IL1RAPL1: variants seen among roughly 807,000 people sequenced by gnomAD.
IL1RAPL1 encodes interleukin 1 receptor accessory protein like 1, also known as interleukin-1 receptor accessory protein-like 1.
A neutral mutation model predicts 48.4 loss-of-function variants in IL1RAPL1; 3 were observed. That is an observed-to-expected ratio of 0.06 (90% CI 0.03 to 0.16). The LOEUF is 0.16. Ranked by LOEUF, IL1RAPL1 falls within the 10% of genes least tolerant of loss-of-function variation. The pLI is 1.00. For missense variants in IL1RAPL1, 349 were observed against 530.6 expected (o/e 0.66, Z 3.36); for synonymous variants, 185 against 187.7 (o/e 0.99, Z 0.12).
chrX:29,770,067 T>C (rs1341548923), intron 6 of IL1RAPL1, among the ~76,000 whole-genome samples: 1 of 112,544 alleles, frequency 8.9e-6, no homozygotes, highest in Non-Finnish European at 1.9e-5. Flanking sequence ...TAAAAGTAGA[T>C]ATTCTGTTTT....
At chrX:29,867,553 C>T (rs769833333) in intron 6 of IL1RAPL1, among the ~76,000 whole-genome samples, 1 of 112,109 alleles carries the variant, frequency 8.9e-6, no homozygotes, top group South Asian at 3.7e-4. Context: ...CTTGATCTTG[C>T]ACTTCCCAGC....
intron 2 of IL1RAPL1, among the ~76,000 whole-genome samples, chrX:28,816,610 G>A (rs1936874340): frequency 9.0e-6 from 1 of 111,027 alleles, no homozygotes; most frequent in South Asian, 3.8e-4. Flanking sequence ...ATTATGCCAT[G>A]GTATGTAACA....
chrX:28,907,223 G>A (rs1056618468), intron 2 of IL1RAPL1, among the ~76,000 whole-genome samples: 4 of 111,030 alleles, frequency 3.6e-5, no homozygotes, highest in Admixed American at 1.9e-4. Context: ...TTGTTGTAGC[G>A]GATTGCATTA....
At chrX:29,579,351 A>G (rs970071843) in intron 5 of IL1RAPL1, among the ~76,000 whole-genome samples, 7 of 111,988 alleles carry the variant, frequency 6.3e-5, no homozygotes, top group African/African-American at 2.3e-4. Context: ...AAGTCATATT[A>G]TAGATAGGCT....
chrX:29,892,748 G>T (rs758813965), intron 6 of IL1RAPL1, among the ~76,000 whole-genome samples: 4 of 112,202 alleles, frequency 3.6e-5, no homozygotes, highest in South Asian at 3.7e-4. Context: ...GCAAAAGAGG[G>T]TATGTCTCAA....
chrX:28,788,714 C>T (rs1481593939), intron 1 of IL1RAPL1, among the ~76,000 whole-genome samples: 1 of 109,245 alleles, frequency 9.2e-6, no homozygotes, highest in Non-Finnish European at 1.9e-5. Flanking sequence ...GGGATCTACC[C>T]GCTTCAGCCT....
intron 2 of IL1RAPL1, among the ~76,000 whole-genome samples, chrX:29,123,310 G>T (rs1204993879): frequency 9.0e-6 from 1 of 111,179 alleles, no homozygotes; most frequent in Non-Finnish European, 1.9e-5. Context: ...GATTACACCC[G>T]GCCCAATAGC....
At chrX:29,240,304 C>T (rs1276720644) in intron 2 of IL1RAPL1, among the ~76,000 whole-genome samples, 1 of 90,076 alleles carries the variant, frequency 1.1e-5, no homozygotes, top group African/African-American at 4.3e-5. Context: ...GCATGATCTC[C>T]GCTCACTGCA....
rs547167293 is a variant in IL1RAPL1, at chrX:29,535,388, C to T, written c.704-133042C>T. 5.4e-5 allele frequency among the ~76,000 whole-genome samples: 6 copies of T among 111,074 alleles called. No individual in the cohort carries two copies. In the South Asian group the frequency reaches 1.1e-3, roughly 21 times the overall value. On this transcript the variant is annotated intron_variant, in intron 5 of 10. Coordinates refer to ENST00000378993, the MANE Select transcript of IL1RAPL1 (RefSeq NM_014271.4). The stretch of plus-strand genomic sequence containing the variant: ...TCTCTGCCCAGATCTTCTCAGATCC[C>T]TTTTGAAGATTTTTGTTGTCTACCC...
At chrX:28,873,676 A>T (rs56036278) in intron 2 of IL1RAPL1, among the ~76,000 whole-genome samples, 225 of 106,805 alleles carry the variant, frequency 2.1e-3, no homozygotes, top group Non-Finnish European at 3.6e-3. Flanking sequence ...GGACTACAGG[A>T]GCCCGCCACC....
At chrX:28,809,834 T>A (rs1476567890) in intron 2 of IL1RAPL1, among the ~76,000 whole-genome samples, 2 of 108,699 alleles carry the variant, frequency 1.8e-5, no homozygotes, top group Non-Finnish European at 3.8e-5. Flanking sequence ...TAAATCATCC[T>A]AGCAACAGAT....
intron 1 of IL1RAPL1, among the ~76,000 whole-genome samples, chrX:28,605,835 T>C (rs923124122): frequency 9.0e-6 from 1 of 111,644 alleles, no homozygotes; most frequent in South Asian, 3.8e-4. Context: ...TCTTTGAAGG[T>C]GACAGGTAAG....
chrX:29,387,385 G>A (rs749093574), intron 3 of IL1RAPL1, among the ~76,000 whole-genome samples: 3 of 112,080 alleles, frequency 2.7e-5, no homozygotes, highest in Non-Finnish European at 3.8e-5. Context: ...CTTTTTATAC[G>A]AAACTCTGAT....
intron 1 of IL1RAPL1, among the ~76,000 whole-genome samples, chrX:28,783,912 T>G (rs1316663853): frequency 8.9e-6 from 1 of 111,855 alleles, no homozygotes; most frequent in Non-Finnish European, 1.9e-5. Context: ...AAATTGTTGA[T>G]TTCCATGTCT....
intron 6 of IL1RAPL1, among the ~76,000 whole-genome samples, chrX:29,764,186 A>G (rs5971739): frequency 0.42 from 45,927 of 110,397 alleles, 7,084 homozygotes; most frequent in African/African-American, 0.51. Context: ...ATTGATAGTC[A>G]TAAACTGGAG....
chrX:29,461,065 AAATGTAT>A (rs1430375670), intron 5 of IL1RAPL1, among the ~76,000 whole-genome samples: 1 of 112,072 alleles, frequency 8.9e-6, no homozygotes, highest in Non-Finnish European at 1.9e-5. Flanking sequence ...AGAACATAGA[AAATGTAT>A]AACTCTTGAT....
chrX:29,095,772 CTTT>C (rs5901910), intron 2 of IL1RAPL1, among the ~76,000 whole-genome samples: 2 of 96,506 alleles, frequency 2.1e-5, no homozygotes, highest in Admixed American at 1.1e-4. Flanking sequence ...CTGCATTTGC[CTTT>C]TTTTTTTTTT....
intron 2 of IL1RAPL1, among the ~76,000 whole-genome samples, chrX:28,975,884 A>G (rs1047442346): frequency 8.9e-6 from 1 of 111,775 alleles, no homozygotes; most frequent in Non-Finnish European, 1.9e-5. Context: ...GGAAGGAGAT[A>G]AAGGATTGAG....
intron 1 of IL1RAPL1, among the ~76,000 whole-genome samples, chrX:28,706,717 A>G (rs1438926944): frequency 2.7e-5 from 3 of 111,914 alleles, no homozygotes; most frequent in Non-Finnish European, 3.8e-5. Context: ...CCCAGCCATT[A>G]GGACACGTTT....
Sources: gnomAD v4.1 joint callset for allele counts (sites outside exome capture counted in the v4.1 genomes callset) on GRCh38, gnomAD v4.1.1 for gene constraint, MANE v1.5 for transcripts, NCBI Gene and HGNC (gene_info 2026-07-23, HGNC 2026-07-21) for gene names.